Variants in GABRA3 observed in about 807,000 individuals in gnomAD.
GABRA3 encodes the protein gamma-aminobutyric acid receptor subunit alpha-3.
In GABRA3, 10 loss-of-function variants were observed where a neutral mutation model predicts 30.1. The ratio of observed to expected loss-of-function variants is 0.33; its 90% CI spans 0.20 to 0.56. The LOEUF is 0.56. Ranked by LOEUF, GABRA3 falls within the 20% of genes least tolerant of loss-of-function variation. GABRA3 has a pLI of 0.89. For missense variants in GABRA3, 233 were observed against 392.0 expected, an observed-to-expected ratio of 0.59 and a Z score of 3.42; for synonymous variants, 151 against 146.8, an observed-to-expected ratio of 1.03 and a Z score of -0.21.
intron 5 of GABRA3, among the ~76,000 whole-genome samples, chrX:152,243,680 G>A (rs1476064424): frequency 9.0e-6 from 1 of 111,637 alleles, no homozygotes; most frequent in Non-Finnish European, 1.9e-5. Flanking sequence ...GAAGTCTAAC[G>A]ACTGAGATTC....
chrX:152,448,935 A>G (rs1931152290), intron 1 of GABRA3, among the ~76,000 whole-genome samples: 1 of 111,247 alleles, frequency 9.0e-6, no homozygotes, highest in South Asian at 3.8e-4. Context: ...CATCCAAGGA[A>G]GAGAATATAC....
chrX:152,268,284 T>C (rs1159940144), intron 4 of GABRA3, among the ~76,000 whole-genome samples: 2 of 112,005 alleles, frequency 1.8e-5, no homozygotes, highest in Non-Finnish European at 3.8e-5. Context: ...TTCCATGTCA[T>C]GGGAGGGACC....
intron 1 of GABRA3, among the ~76,000 whole-genome samples, chrX:152,432,150 T>C (rs1930663352): frequency 8.9e-6 from 1 of 111,882 alleles, no homozygotes; most frequent in Non-Finnish European, 1.9e-5. Flanking sequence ...ATATATGTTG[T>C]ACAAGTAGGG....
intron 3 of GABRA3, among the ~76,000 whole-genome samples, chrX:152,345,293 C>T (rs1326642082): frequency 9.0e-6 from 1 of 111,466 alleles, no homozygotes; most frequent in East Asian, 2.8e-4. Flanking sequence ...CCCATAAACC[C>T]ATCATAAAGA....
chrX:152,315,701 C>G (rs931754744), intron 3 of GABRA3, among the ~76,000 whole-genome samples: 4 of 110,824 alleles, frequency 3.6e-5, no homozygotes, highest in African/African-American at 1.3e-4. Flanking sequence ...TGCAAGGGAG[C>G]TGGGTGAGGC....
chrX:152,424,111 GAATT>G (rs1930451944), intron 1 of GABRA3, among the ~76,000 whole-genome samples: 1 of 110,258 alleles, frequency 9.1e-6, no homozygotes, highest in East Asian at 2.9e-4. Context: ...CTGTGTGATT[GAATT>G]AATTTTCTCT....
At chrX:152,250,974 C>A in intron 5 of GABRA3, 1 of 208,222 alleles carries the variant, frequency 4.8e-6, no homozygotes, top group South Asian at 6.3e-5. Flanking sequence ...ACATTATTAT[C>A]AGACTAGAGA....
At chrX:152,392,041 T>C (rs1005306873) in intron 1 of GABRA3, among the ~76,000 whole-genome samples, 1 of 111,810 alleles carries the variant, frequency 8.9e-6, no homozygotes, top group African/African-American at 3.2e-5. Flanking sequence ...GTGAAATGAC[T>C]TCCTCAAGAA....
At chrX:152,286,193 T>C (rs1939294382) in intron 3 of GABRA3, among the ~76,000 whole-genome samples, 1 of 105,091 alleles carries the variant, frequency 9.5e-6, no homozygotes, top group South Asian at 4.3e-4. Context: ...TATAAGTATA[T>C]ATACATCCAG....
At chrX:152,227,866 A>T (rs1380490132) in intron 5 of GABRA3, among the ~76,000 whole-genome samples, 1 of 111,324 alleles carries the variant, frequency 9.0e-6, no homozygotes, top group East Asian at 2.8e-4. Flanking sequence ...CTACACTAGC[A>T]ATTTTCCATT....
At chrX:152,333,360 T>C (rs1479144040) in intron 3 of GABRA3, among the ~76,000 whole-genome samples, 1 of 111,554 alleles carries the variant, frequency 9.0e-6, no homozygotes, top group Non-Finnish European at 1.9e-5. Flanking sequence ...ATTTACAAAG[T>C]AAACCTACAA....
intron 6 of GABRA3, among the ~76,000 whole-genome samples, chrX:152,223,222 T>A (rs776593515): frequency 2.2e-4 from 24 of 111,336 alleles, no homozygotes; most frequent in Admixed American, 8.6e-4. Flanking sequence ...CAATCTTCAC[T>A]GAGCTTTATT....
intron 5 of GABRA3, chrX:152,250,916 C>T (rs1688798845): frequency 5.6e-6 from 1 of 177,081 alleles, no homozygotes; most frequent in Admixed American, 7.7e-5. Context: ...GTTCTGCAGA[C>T]CTTATTCAAT....
At chrX:152,211,450 C>A (rs981343691) in intron 6 of GABRA3, among the ~76,000 whole-genome samples, 4 of 110,867 alleles carry the variant, frequency 3.6e-5, no homozygotes, top group African/African-American at 1.3e-4. Flanking sequence ...TATATGGGAA[C>A]AGAGGGATTT....
chrX:152,293,981 T>C (rs932823460), intron 3 of GABRA3, among the ~76,000 whole-genome samples: 1 of 112,128 alleles, frequency 8.9e-6, no homozygotes, highest in African/African-American at 3.2e-5. Flanking sequence ...CTGTAGAGTT[T>C]CTGCCAAGAG....
intron 1 of GABRA3, among the ~76,000 whole-genome samples, chrX:152,370,814 C>T (rs962747811): frequency 9.0e-6 from 1 of 110,947 alleles, no homozygotes; most frequent in African/African-American, 3.3e-5. Context: ...CATTTTTCAT[C>T]TAGCACCTTC....
intron 1 of GABRA3, among the ~76,000 whole-genome samples, chrX:152,396,251 T>C (rs1261981170): frequency 8.9e-6 from 1 of 111,817 alleles, no homozygotes; most frequent in Admixed American, 9.5e-5. Flanking sequence ...AGCTGAAAAA[T>C]GCAAGGATGA....
chrX:152,262,831 CAG>C (rs1938754255), intron 4 of GABRA3, among the ~76,000 whole-genome samples: 1 of 111,927 alleles, frequency 8.9e-6, no homozygotes, highest in Admixed American at 9.5e-5. Flanking sequence ...ATCTTTACAA[CAG>C]TGCCCGACTC....
At chrX:152,439,644 A>T (rs746669796) in intron 1 of GABRA3, among the ~76,000 whole-genome samples, 1 of 111,999 alleles carries the variant, frequency 8.9e-6, no homozygotes, top group Non-Finnish European at 1.9e-5. Flanking sequence ...TGAAGCAAAA[A>T]CCTGTACAAG....
Sources: allele counts gnomAD v4.1 joint callset (sites outside exome capture counted in the v4.1 genomes callset), GRCh38; gene constraint gnomAD v4.1.1; transcripts MANE v1.5; gene names NCBI Gene and HGNC (gene_info 2026-07-23, HGNC 2026-07-21).